HS6ST2: variants seen among roughly 807,000 people sequenced by gnomAD.
The protein encoded by HS6ST2 is heparan sulfate 6-O-sulfotransferase 2.
HS6ST2 carries 17 observed loss-of-function variants against 33.0 expected under a neutral mutation model. The observed-to-expected ratio is 0.52, with a 90% CI of 0.35 to 0.77. The LOEUF (loss-of-function observed/expected upper bound fraction) is 0.77. HS6ST2 is among the 30% of genes least tolerant of loss of function. The probability of loss-of-function intolerance (pLI) is 0.01; values close to 1 mark genes in which losing one functional copy is unlikely to be tolerated. For synonymous variants in HS6ST2, 248 were observed against 237.1 expected (o/e 1.05, Z -0.42); for missense variants, 519 against 551.7 (o/e 0.94, Z 0.59).
intron 4 of HS6ST2, among the ~76,000 whole-genome samples, chrX:132,644,375 A>T (rs1179662236): frequency 9.0e-6 from 1 of 111,269 alleles, no homozygotes; most frequent in African/African-American, 3.3e-5. Flanking sequence ...ACAGGACAAG[A>T]TATAAAATTC....
chrX:132,867,312 G>A (rs1179254719), intron 2 of HS6ST2, among the ~76,000 whole-genome samples: 1 of 107,264 alleles, frequency 9.3e-6, no homozygotes, highest in Non-Finnish European at 1.9e-5. Flanking sequence ...AACCAGCCTT[G>A]CATACCAGGG....
intron 2 of HS6ST2, among the ~76,000 whole-genome samples, chrX:132,794,577 T>TG (rs1160771963): frequency 0.31 from 23,714 of 76,208 alleles, 2,844 homozygotes; most frequent in Non-Finnish European, 0.34. Context: ...TGATGATGAT[T>TG]ATTATTATTA....
intron 2 of HS6ST2, among the ~76,000 whole-genome samples, chrX:132,833,056 T>C (rs2065605482): frequency 8.9e-6 from 1 of 112,096 alleles, no homozygotes; most frequent in Admixed American, 9.5e-5. Flanking sequence ...ACATTTCTAA[T>C]TATACTATAT....
chrX:132,631,758 C>T (rs1233293292), intron 4 of HS6ST2, among the ~76,000 whole-genome samples: 1 of 111,535 alleles, frequency 9.0e-6, no homozygotes, highest in Non-Finnish European at 1.9e-5. Context: ...TCTTCTTGCC[C>T]TAACTTCTTG....
intron 2 of HS6ST2, among the ~76,000 whole-genome samples, chrX:132,811,685 A>AAT (rs56390608): frequency 0.14 from 4,260 of 29,691 alleles, 350 homozygotes; most frequent in African/African-American, 0.17. Flanking sequence ...AAGGCTGAAT[A>AAT]ATATATATAT....
rs1412964905 is a variant in HS6ST2, at chrX:132,640,493, A to C, written c.1068-11400T>G. 3.6e-5 allele frequency among the ~76,000 whole-genome samples: 4 copies of C among 111,489 alleles called. No homozygotes were observed. In the East Asian group the frequency reaches 1.1e-3, roughly 32 times the overall value. The stretch of plus-strand genomic sequence containing the variant: ...TACAGTATGTCAGACACTAGGCTAG[A>C]AGCTTTTTCAGAAAACCTATCAAAT... On this transcript the variant is annotated intron_variant, in intron 4 of 4. Coordinates refer to ENST00000370833, the MANE Select transcript of HS6ST2 (RefSeq NM_001394073.1).
chrX:132,900,685 A>T (rs1445062810), intron 2 of HS6ST2, among the ~76,000 whole-genome samples: 2 of 111,564 alleles, frequency 1.8e-5, no homozygotes, highest in Non-Finnish European at 3.8e-5. Context: ...TCACATGAAT[A>T]ATATACCATC....
At chrX:132,891,796 T>C (rs1165375971) in intron 2 of HS6ST2, among the ~76,000 whole-genome samples, 1 of 112,001 alleles carries the variant, frequency 8.9e-6, no homozygotes, top group Admixed American at 9.5e-5. Flanking sequence ...TGTTGGACAT[T>C]TGGGTTGGTT....
chrX:132,936,743 G>T (rs2066826885), intron 2 of HS6ST2, among the ~76,000 whole-genome samples: 1 of 110,801 alleles, frequency 9.0e-6, no homozygotes, highest in Non-Finnish European at 1.9e-5. Flanking sequence ...AAAACTACTT[G>T]TCAGATACTA....
chrX:132,813,476 T>G (rs1239212299), intron 2 of HS6ST2, among the ~76,000 whole-genome samples: 1 of 111,862 alleles, frequency 8.9e-6, no homozygotes. Flanking sequence ...CAGACCCATA[T>G]GTCCATCTGC....
intron 2 of HS6ST2, among the ~76,000 whole-genome samples, chrX:132,812,128 C>T (rs952308378): frequency 3.7e-5 from 4 of 109,525 alleles, no homozygotes; most frequent in South Asian, 4.0e-4. Flanking sequence ...ACATCCTGGC[C>T]GGGCGCGGTG....
chrX:132,851,685 G>A (rs1305338358), intron 2 of HS6ST2, among the ~76,000 whole-genome samples: 2 of 111,774 alleles, frequency 1.8e-5, no homozygotes, highest in East Asian at 5.6e-4. Flanking sequence ...GTCCATAAGG[G>A]GAAGAAAATT....
rs766013131 is a variant in HS6ST2 at position 132,628,774 on chromosome X, A to T, written c.1387T>A (p.Ser463Thr). ...RNKVLLESAK[S>T]NLKHMAFFGL... Reference sequence around the variant, plus strand: ...AAGAACGCCATGTGCTTCAGATTTGACTTGGCACTTTCCAGAAGGACCTTG... The same window carrying T: ...AAGAACGCCATGTGCTTCAGATTTGTCTTGGCACTTTCCAGAAGGACCTTG... Residue 463 changes from serine to threonine, a missense_variant, in exon 5 of 5, where the codon TCA (serine) becomes ACA (threonine). Ser to Thr is a moderately conservative substitution (Grantham distance 58). Coordinates refer to ENST00000370833, the MANE Select transcript of HS6ST2 (RefSeq NM_001394073.1). The T allele has an allele frequency of 2.5e-5, 30 of 1,210,123 alleles. No individual in the cohort carries two copies. Among genetic ancestry groups the T allele is most frequent in the African/African-American group, 3.5e-5 (2 of 57,241 alleles).
intron 4 of HS6ST2, among the ~76,000 whole-genome samples, chrX:132,658,809 C>A (rs1165531495): frequency 1.8e-5 from 2 of 112,042 alleles, no homozygotes; most frequent in Non-Finnish European, 3.8e-5. Flanking sequence ...TAGGCTTAGC[C>A]AGACTTGCCT....
intron 4 of HS6ST2, among the ~76,000 whole-genome samples, chrX:132,639,733 C>T (rs779104070): frequency 1.2e-3 from 136 of 111,867 alleles, no homozygotes; most frequent in Non-Finnish European, 2.1e-3. Flanking sequence ...CTTCTCCCAA[C>T]CCTGAAACAA....
intron 2 of HS6ST2, among the ~76,000 whole-genome samples, chrX:132,912,907 C>T (rs1235649626): frequency 8.9e-6 from 1 of 111,943 alleles, no homozygotes; most frequent in African/African-American, 3.2e-5. Context: ...GATCCCCACC[C>T]TTCACCTATT....
intron 2 of HS6ST2, among the ~76,000 whole-genome samples, chrX:132,756,722 GCTTT>G (rs1462883573): frequency 4.6e-5 from 5 of 109,590 alleles, no homozygotes; most frequent in Non-Finnish European, 7.6e-5. Flanking sequence ...CTGTGATCTC[GCTTT>G]CTTTATTGCT....
chrX:132,924,550 T>C lies in HS6ST2; in HGVS notation c.947+32258A>G, dbSNP rs1190043016. 7.1e-5 allele frequency among the ~76,000 whole-genome samples: 8 copies of C among 111,976 alleles called. No individual in the cohort carries two copies. The Admixed American group carries it at 7.6e-4, about 11-fold the overall frequency. On this transcript the variant is annotated intron_variant, in intron 2 of 4. Transcript: ENST00000370833. ...TCTCTGAAGTGATAGATGTTTTGTG[T>C]GCTAATGAATGACTGATGGCTGGGG...
At chrX:132,781,640 T>C (rs893223825) in intron 2 of HS6ST2, among the ~76,000 whole-genome samples, 1 of 111,517 alleles carries the variant, frequency 9.0e-6, no homozygotes. Context: ...CAGTTCCACA[T>C]GGCTGGGGAG....
Sources: allele counts gnomAD v4.1 joint callset (sites outside exome capture counted in the v4.1 genomes callset), GRCh38; gene constraint gnomAD v4.1.1; transcripts MANE v1.5; gene names NCBI Gene and HGNC (gene_info 2026-07-23, HGNC 2026-07-21).